The following GATA3 variants were observed in gnomAD, a reference collection of about 807,000 sequenced individuals.
GATA3 encodes the protein trans-acting T-cell-specific transcription factor GATA-3.
In GATA3, 6 loss-of-function variants were observed where a neutral mutation model predicts 36.0. That is an observed-to-expected ratio of 0.17 (90% CI 0.09 to 0.33). The LOEUF is 0.33. GATA3 is among the 10% of genes least tolerant of loss of function. The pLI, the probability that GATA3 is intolerant of heterozygous loss-of-function variation, is 1.00. For synonymous variants in GATA3, 326 were observed against 273.0 expected (o/e 1.19, Z -1.92); for missense variants, 514 against 610.1 (o/e 0.84, Z 1.66).
chr10:8,056,713 A>T (rs1377934818), intron 2 of GATA3, among the ~76,000 whole-genome samples: 2 of 152,134 alleles, frequency 1.3e-5, no homozygotes, highest in African/African-American at 4.8e-5. Context: ...GATGTAGGAT[A>T]CACCCCCGTT....
chr10:8,066,456 T>TTTA (rs1832845047), intron 4 of GATA3, among the ~76,000 whole-genome samples: 1 of 151,414 alleles, frequency 6.6e-6, no homozygotes, highest in African/African-American at 2.4e-5. Flanking sequence ...CTTTCTTTTT[T>TTTA]TTTTTTAGCC....
In GATA3 at chr10:8,055,905, G is replaced by T. The variant is rs753449980; in HGVS notation, c.241+9G>T. 10 of 1,553,032 alleles carry T rather than the reference G, an allele frequency of 6.4e-6. No individual in the cohort carries two copies. The Admixed American group carries it at 9.7e-5, about 15-fold the overall frequency. On this transcript the variant is annotated intron_variant, in intron 2 of 5. Coordinates refer to ENST00000379328, the MANE Select transcript of GATA3 (RefSeq NM_001002295.2). This position sits in a 1 kb window ranked among gnomAD's most constrained non-coding sequence, Gnocchi z 5.4. ...CCCTCCGACCCACCACGGTGAGTGC[G>T]CCCGGGGTGCCGGGGCTCCCGCCGG...
intron 1 of GATA3, among the ~76,000 whole-genome samples, chr10:8,048,102 C>A (rs1447310427): frequency 6.6e-6 from 1 of 152,206 alleles, no homozygotes; most frequent in Non-Finnish European, 1.5e-5. Flanking sequence ...CTAGGCTAAT[C>A]TAGATGAGTC....
In GATA3 at chr10:8,058,370, C is replaced by G. The variant is rs1832679983; in HGVS notation, c.307C>G (p.Leu103Val). The change falls in exon 3 of 6, where the codon CTG becomes GTG. Residue 103 changes from leucine (L) to valine (V), a missense_variant. By Grantham distance (32) the Leu-to-Val change is conservative. This residue lies in a region of GATA3 where 381 missense variants were observed against 354.3 expected (regional missense o/e 1.08). Transcript: ENST00000379328. ...ACCCTGGCTGGACGGCGGCAAAGCC[C>G]TGGGCAGCCACCACACCGCCTCCCC... ...SLPWLDGGKA[L>V]GSHHTASPWN... 1.2e-6 allele frequency: 2 copies of G among 1,612,860 alleles called. No individual in the cohort carries two copies. Among genetic ancestry groups the G allele is most frequent in the African/African-American group, 1.3e-5 (1 of 74,922 alleles).
At chr10:8,070,403 T>G (rs1409310121) in intron 5 of GATA3, among the ~76,000 whole-genome samples, 1 of 151,584 alleles carries the variant, frequency 6.6e-6, no homozygotes, top group Non-Finnish European at 1.5e-5. Flanking sequence ...TTTCCTGAAA[T>G]CATTCTGGCT....
chr10:8,063,963 T>G, intron 3 of GATA3, 30 bp from the exon 4 acceptor site: 1 of 1,614,200 alleles, frequency 6.2e-7, no homozygotes, highest in East Asian at 2.2e-5. Flanking sequence ...TTTCCTTCCC[T>G]AAGTGGCTTA....
At position 8,055,541 on chromosome 10, in the gene GATA3, T is replaced by G; in HGVS notation, c.-115T>G. 1 of 1,193,422 alleles carries G rather than the reference T, an allele frequency of 8.4e-7. No homozygotes were observed. The highest frequency in any genetic ancestry group is 2.4e-5 in the Admixed American group (1 of 41,596). The allele number at this position is 1,193,422 out of a possible 1,614,324, so 73.9% of individuals were successfully genotyped here. A position where few individuals can be genotyped will look rare whatever the true frequency, so the allele number is the denominator to read the frequency against. On this transcript the variant is annotated 5_prime_UTR_variant, in exon 2 of 6. In the 5' UTR this introduces an upstream ATG that the reference lacks. Coordinates refer to ENST00000379328, the MANE Select transcript of GATA3 (RefSeq NM_001002295.2). This position sits in a 1 kb window ranked among gnomAD's most constrained non-coding sequence, Gnocchi z 5.4. ...CATCCCCCCACCGAAAGCAAATCATTCAACGACCCCCGACCCTCCGACGGC... is the reference window on the plus strand; with the variant it reads ...CATCCCCCCACCGAAAGCAAATCATGCAACGACCCCCGACCCTCCGACGGC...
chr10:8,071,644 A>G (rs12781381), intron 5 of GATA3, among the ~76,000 whole-genome samples: 3,279 of 152,300 alleles, frequency 0.022, 51 homozygotes, highest in South Asian at 0.066. Context: ...CTCATCCTCA[A>G]GAGTGGTTTT....
upstream of GATA3, chr10:8,053,614 G>C (rs1832555856): frequency 6.6e-6 from 1 of 151,952 alleles, no homozygotes; most frequent in Non-Finnish European, 1.5e-5. The surrounding 1 kb of genome is among the most constrained non-coding windows in gnomAD (Gnocchi z 5.1). Flanking sequence ...GGGGCGCCTC[G>C]GAGCCGCGTG....
At position 8,055,677 on chromosome 10, in the gene GATA3, C is replaced by T; in HGVS notation, c.22C>T (p.Pro8Ser). The T allele has an allele frequency of 6.4e-7, 1 of 1,557,874 alleles. No homozygotes were observed. Among genetic ancestry groups the T allele is most frequent in the Non-Finnish European group, 8.7e-7 (1 of 1,151,286 alleles). Residue 8 changes from proline (P) to serine (S), a missense_variant, in exon 2 of 6, where the codon CCG becomes TCG. Coordinates refer to ENST00000379328, the MANE Select transcript of GATA3 (RefSeq NM_001002295.2). This position sits in a 1 kb window ranked among gnomAD's most constrained non-coding sequence, Gnocchi z 5.4. The stretch of plus-strand genomic sequence containing the variant: ...GGCCATGGAGGTGACGGCGGACCAG[C>T]CGCGCTGGGTGAGCCACCACCACCC... MEVTADQ[P>S]RWVSHHHPAV...
At chr10:8,058,957 G>A (rs1832702399) in intron 3 of GATA3, 116 bp downstream of exon 3, 2 of 921,150 alleles carry the variant, frequency 2.2e-6, no homozygotes, top group East Asian at 5.2e-5. Context: ...AGCCTGCTGA[G>A]ATGCCATTCT....
At chr10:8,061,951 G>T (rs1832755908) in intron 3 of GATA3, among the ~76,000 whole-genome samples, 1 of 152,220 alleles carries the variant, frequency 6.6e-6, no homozygotes, top group Non-Finnish European at 1.5e-5. Flanking sequence ...GGCAGGGTGG[G>T]GAGTGGGCCT....
chr10:8,048,265 A>T (rs1329881747), intron 1 of GATA3, among the ~76,000 whole-genome samples: 2 of 152,116 alleles, frequency 1.3e-5, no homozygotes, highest in Admixed American at 1.3e-4. Flanking sequence ...GATGTGGGTG[A>T]CCAGGCCGGG....
chr10:8,046,695 G>A (rs1832392897), intron 1 of GATA3, among the ~76,000 whole-genome samples: 1 of 146,536 alleles, frequency 6.8e-6, no homozygotes. Flanking sequence ...GTGTGTGTCA[G>A]GGGCTTACCA....
chr10:8,061,084 TCTCTC>T (rs1285966874), intron 3 of GATA3, among the ~76,000 whole-genome samples: 18 of 149,694 alleles, frequency 1.2e-4, no homozygotes, highest in Non-Finnish European at 1.8e-4. Context: ...TCTCTCTCTC[TCTCTC>T]TTTTTTACCC....
chr10:8,049,871 G>T (rs1474086986), upstream of GATA3, among the ~76,000 whole-genome samples: 5 of 152,170 alleles, frequency 3.3e-5, no homozygotes, highest in Admixed American at 3.3e-4. Flanking sequence ...GGGACCCGGG[G>T]CTAAGGAGGA....
At chr10:8,062,658 G>A (rs779655321) in intron 3 of GATA3, among the ~76,000 whole-genome samples, 5 of 152,100 alleles carry the variant, frequency 3.3e-5, no homozygotes, top group African/African-American at 4.8e-5. Flanking sequence ...CCAGTGGTCC[G>A]GGCAGGTTGG....
In GATA3 at chr10:8,073,772, A is replaced by T; in HGVS notation, c.1084A>T (p.Ile362Phe). 6.2e-7 allele frequency: 1 copy of T among 1,614,116 alleles called. No homozygotes were observed. The change falls in exon 6 of 6, where the codon ATC becomes TTC. Residue 362 changes from isoleucine (I) to phenylalanine (F), a missense_variant. Physicochemically the swap from Ile to Phe is conservative, Grantham distance 21. Coordinates refer to ENST00000379328, the MANE Select transcript of GATA3 (RefSeq NM_001002295.2). Reference sequence around the variant, plus strand: ...ACCCCTGACTATGAAGAAGGAAGGCATCCAGACCAGAAACCGAAAAATGTC... The same window carrying T: ...ACCCCTGACTATGAAGAAGGAAGGCTTCCAGACCAGAAACCGAAAAATGTC... ...NRPLTMKKEGIQTRNRKMSSK... is the reference protein window; with the variant it reads ...NRPLTMKKEGFQTRNRKMSSK...
chr10:8,046,647 CAGTG>C (rs776954680), intron 1 of GATA3, among the ~76,000 whole-genome samples: 7 of 94,056 alleles, frequency 7.4e-5, no homozygotes, highest in East Asian at 6.0e-4. Context: ...AAATGGCTGG[CAGTG>C]TGTGTGTGTG....
Sources: allele counts gnomAD v4.1 joint callset (sites outside exome capture counted in the v4.1 genomes callset), GRCh38; gene constraint gnomAD v4.1.1; regional missense constraint gnomAD v4.1.1; non-coding constraint Gnocchi (gnomAD v3.1); transcripts MANE v1.5; gene names NCBI Gene and HGNC (gene_info 2026-07-23, HGNC 2026-07-21).